IKBKB: variants seen among roughly 807,000 people sequenced by gnomAD.
IKBKB encodes inhibitor of nuclear factor kappa-B kinase subunit beta.
IKBKB carries 42 observed loss-of-function variants against 113.6 expected under a neutral mutation model. The ratio of observed to expected loss-of-function variants is 0.37; its 90% confidence interval spans 0.29 to 0.48. The LOEUF is 0.48. Ranked by LOEUF, IKBKB falls within the 20% of genes least tolerant of loss-of-function variation. IKBKB has a pLI of 0.99. For synonymous variants in IKBKB, 296 were observed against 361.3 expected (o/e 0.82, Z 2.05); for missense variants, 673 against 939.7 (o/e 0.72, Z 3.71).
In IKBKB at chr8:42,300,111, C is replaced by T. The variant is rs958306069; in HGVS notation, c.389-5076C>T. ...ACTTTCGCCTTGGCACCCAACGTTA[C>T]TGCCTTGCTGCCTCACTGATTAATT... On this transcript the variant is annotated intron_variant, in intron 5 of 21. Coordinates refer to ENST00000520810, the MANE Select transcript of IKBKB (RefSeq NM_001556.3). Among the ~76,000 whole-genome samples, 3 of 152,344 alleles carry T rather than the reference C, an allele frequency of 2.0e-5. No homozygotes were observed. The East Asian group carries it at 5.8e-4, about 29-fold the overall frequency.
intron 4 of IKBKB, 152 bp from the exon 5 acceptor site, chr8:42,293,291 A>G (rs1344545090): frequency 1.2e-6 from 1 of 844,478 alleles, no homozygotes; most frequent in Non-Finnish European, 1.9e-6. Flanking sequence ...AATCCCTGCT[A>G]GTTCTGCAGC....
intron 6 of IKBKB, 59 bp from the exon 7 acceptor site, chr8:42,306,284 C>A: frequency 9.2e-7 from 1 of 1,090,078 alleles, no homozygotes; most frequent in Non-Finnish European, 1.4e-6. Context: ...CAGTCAGAAT[C>A]CTCGTAGAAG....
intron 3 of IKBKB, 76 bp from the exon 4 acceptor site, chr8:42,290,080 T>G: frequency 9.7e-7 from 1 of 1,031,080 alleles, no homozygotes. Context: ...CCTTTGTTGC[T>G]GAGACCTGGT....
In IKBKB at chr8:42,316,460, A is replaced by G. The variant is rs1314615383; in HGVS notation, c.930+121A>G. On this transcript the variant is annotated intron_variant, in intron 10 of 21. Coordinates refer to ENST00000520810, the MANE Select transcript of IKBKB (RefSeq NM_001556.3). The surrounding 1 kb of genome is among the most constrained non-coding windows in gnomAD (Gnocchi z 4.5). ...CTAGTGAGGAAATTTAGGCTCCTGC[A>G]TCAGTCTTTCTGCATAAGTAAAGAA... 8.2e-7 allele frequency: 1 copy of G among 1,216,078 alleles called. No homozygotes were observed. The highest frequency in any genetic ancestry group is 2.4e-5 in the East Asian group (1 of 41,482). 75.3% of individuals were successfully genotyped at this position (1,216,078 alleles called of 1,614,324 possible).
intron 5 of IKBKB, among the ~76,000 whole-genome samples, chr8:42,293,881 A>C (rs1341338552): frequency 6.6e-6 from 1 of 152,206 alleles, no homozygotes; most frequent in Non-Finnish European, 1.5e-5. Flanking sequence ...TTCCGCTCCC[A>C]CGTAGGCAGT....
chr8:42,326,157 T>C, intron 20 of IKBKB, 60 bp downstream of exon 20: 1 of 1,593,938 alleles, frequency 6.3e-7, no homozygotes, highest in Non-Finnish European at 8.6e-7. Flanking sequence ...AGATCGGGGA[T>C]GGAGGCGTTT....
intron 2 of IKBKB, among the ~76,000 whole-genome samples, chr8:42,282,155 C>T (rs1810490223): frequency 6.6e-6 from 1 of 152,116 alleles, no homozygotes; most frequent in South Asian, 2.1e-4. Context: ...TCCGTTTTCT[C>T]AAAATACAGA....
chr8:42,314,353 G>A lies in IKBKB; in HGVS notation c.724G>A (p.Asp242Asn). The A allele has an allele frequency of 4.3e-6, 7 of 1,614,038 alleles. No homozygotes were observed. The highest frequency in any genetic ancestry group is 5.9e-6 in the Non-Finnish European group (7 of 1,179,894). ...AAAAGTGCGGCAGAAGAGTGAGGTG[G>A]ACATTGTTGTTAGCGAAGACTTGAA... ...HSKVRQKSEVDIVVSEDLNGT... is the reference protein window; with the variant it reads ...HSKVRQKSEVNIVVSEDLNGT... The change falls in exon 9 of 22, where the codon GAC (aspartate) becomes AAC (asparagine). Residue 242 changes from aspartate (D) to asparagine (N), a missense_variant. This residue lies in a region of IKBKB where 506 missense variants were observed against 638.7 expected (regional missense o/e 0.79). Coordinates refer to ENST00000520810, the MANE Select transcript of IKBKB (RefSeq NM_001556.3).
intron 5 of IKBKB, 49 bp downstream of exon 5, chr8:42,293,561 GTGCCCC>G: frequency 6.2e-7 from 1 of 1,613,906 alleles, no homozygotes; most frequent in Middle Eastern, 1.7e-4. Context: ...GGAGAGTGTG[GTGCCCC>G]TGTGAGTCCC....
chr8:42,293,319 C>T (rs777031691), intron 4 of IKBKB, 124 bp from the exon 5 acceptor site: 74 of 1,152,890 alleles, frequency 6.4e-5, no homozygotes, highest in Middle Eastern at 4.2e-4. Context: ...TCCTCAAAAG[C>T]AGGTCCCCTA....
At chr8:42,326,126 G>T in intron 20 of IKBKB, 29 bp downstream of exon 20, 2 of 1,613,204 alleles carry the variant, frequency 1.2e-6, no homozygotes, top group South Asian at 2.2e-5. Flanking sequence ...TGCCAAGTGT[G>T]ACCATCAAGG....
intron 19 of IKBKB, chr8:42,325,372 T>G: frequency 1.0e-6 from 1 of 985,970 alleles, no homozygotes; most frequent in Non-Finnish European, 1.2e-6. Flanking sequence ...GTAAGAATAC[T>G]TTCCTGTTCT....
chr8:42,317,391 C>G (rs1818900357), intron 11 of IKBKB, among the ~76,000 whole-genome samples: 1 of 152,132 alleles, frequency 6.6e-6, no homozygotes, highest in African/African-American at 2.4e-5. Flanking sequence ...GAGAAATAAT[C>G]ATTGCATAGG....
At chr8:42,306,283 T>A (rs1432898822) in intron 6 of IKBKB, 60 bp from the exon 7 acceptor site, 1 of 1,079,686 alleles carries the variant, frequency 9.3e-7, no homozygotes, top group African/African-American at 1.5e-5. Context: ...GCAGTCAGAA[T>A]CCTCGTAGAA....
chr8:42,292,974 C>T lies in IKBKB; in HGVS notation c.319-469C>T, dbSNP rs534057777. Among the ~76,000 whole-genome samples, 3 of 152,316 alleles carry T rather than the reference C, an allele frequency of 2.0e-5. No individual in the cohort carries two copies. In the South Asian group the frequency reaches 6.2e-4, roughly 32 times the overall value. ...AATCTGTGCAGAGCTCTTCCGGCCCCTGGCACGTAGTAAGTGCTCAGTAAC... is the reference window on the plus strand; with the variant it reads ...AATCTGTGCAGAGCTCTTCCGGCCCTTGGCACGTAGTAAGTGCTCAGTAAC... On this transcript the variant is annotated intron_variant, in intron 4 of 21. Coordinates refer to ENST00000520810, the MANE Select transcript of IKBKB (RefSeq NM_001556.3).
intron 2 of IKBKB, among the ~76,000 whole-genome samples, chr8:42,273,790 T>A (rs1486231225): frequency 6.6e-6 from 1 of 152,070 alleles, no homozygotes; most frequent in East Asian, 1.9e-4. Context: ...TGGCCTCAAG[T>A]GATCTTCCTG....
At chr8:42,326,406 C>A (rs1820736532) in intron 20 of IKBKB, 3 of 309,262 alleles carry the variant, frequency 9.7e-6, no homozygotes, top group South Asian at 6.8e-5. Context: ...TTCAGGGAGG[C>A]CCTGAAGCCC....
At chr8:42,271,548 C>G in intron 1 of IKBKB, 79 bp downstream of exon 1, 3 of 578,502 alleles carry the variant, frequency 5.2e-6, no homozygotes, top group Non-Finnish European at 6.0e-6. Flanking sequence ...CCGGAAGACC[C>G]CTCTGTGCCG....
At position 42,314,329 on chromosome 8, in the gene IKBKB, A is replaced by G. The variant is rs1193171808; in HGVS notation, c.700A>G (p.Lys234Glu). Residue 234 changes from lysine to glutamate, a missense_variant, in exon 9 of 22, where the codon AAA (lysine) becomes GAA (glutamate). Transcript: ENST00000520810. ...PNWQPVQWHS[K>E]VRQKSEVDIV... Reference sequence around the variant, plus strand: ...CAAGATTCATATTTGCAGGCATTCAAAAGTGCGGCAGAAGAGTGAGGTGGA... The same window carrying G: ...CAAGATTCATATTTGCAGGCATTCAGAAGTGCGGCAGAAGAGTGAGGTGGA... The G allele has an allele frequency of 3.7e-6, 6 of 1,612,936 alleles. No individual in the cohort carries two copies. Among genetic ancestry groups the G allele is most frequent in the Admixed American group, 1.7e-5 (1 of 60,004 alleles).
Sources: gnomAD v4.1 joint callset for allele counts (sites outside exome capture counted in the v4.1 genomes callset) on GRCh38, gnomAD v4.1.1 for gene constraint, gnomAD v4.1.1 regional missense constraint, Gnocchi (gnomAD v3.1) non-coding constraint, MANE v1.5 for transcripts, NCBI Gene and HGNC (gene_info 2026-07-23, HGNC 2026-07-21) for gene names.